NEK9: variants seen among roughly 807,000 people sequenced by gnomAD.
NEK9 encodes NIMA related kinase 9, also known as serine/threonine-protein kinase Nek9.
In NEK9, 75 loss-of-function variants were observed where a neutral mutation model predicts 123.4. The ratio of observed to expected loss-of-function variants is 0.61; its 90% CI spans 0.50 to 0.74. The LOEUF (loss-of-function observed/expected upper bound fraction) is 0.74, where lower values mean the gene tolerates loss of function less well. NEK9 is among the 30% of genes least tolerant of loss of function. The probability of loss-of-function intolerance (pLI) is 0.00; values close to 1 mark genes in which losing one functional copy is unlikely to be tolerated. For missense variants in NEK9, 952 were observed against 1,214.4 expected (o/e 0.78, Z 3.21); for synonymous variants, 438 against 458.7 (o/e 0.95, Z 0.58).
chr14:75,103,972 A>G lies in NEK9; in HGVS notation c.1601T>C (p.Ile534Thr). 1 of 1,614,052 alleles carries G rather than the reference A, an allele frequency of 6.2e-7. No homozygotes were observed. The highest frequency in any genetic ancestry group is 1.1e-5 in the South Asian group (1 of 91,054). ...ATCACAGCCACATTGAACTGCAACA[A>G]TAATCAAGGCCTTGGGAACATCCAC... ...QKVDVPKALI[I>T]VAVQCGCDGT... The change falls in exon 14 of 22, where the codon ATT (isoleucine) becomes ACT (threonine). Residue 534 changes from isoleucine to threonine, a missense_variant. Physicochemically the swap from Ile to Thr is moderately conservative, Grantham distance 89. Around this residue, in one of 4 missense-constraint regions of NEK9, gnomAD observed 698 missense variants for 875.6 expected, o/e 0.80. Coordinates refer to ENST00000238616, the MANE Select transcript of NEK9 (RefSeq NM_033116.6).
intron 13 of NEK9, among the ~76,000 whole-genome samples, chr14:75,105,501 T>C (rs1894741130): frequency 6.6e-6 from 1 of 152,114 alleles, no homozygotes; most frequent in Non-Finnish European, 1.5e-5. Context: ...TGAGAGTAAT[T>C]AGATAATATG....
intron 3 of NEK9, 97 bp from the exon 4 acceptor site, chr14:75,120,677 C>G: frequency 1.1e-6 from 1 of 896,120 alleles, no homozygotes. Flanking sequence ...AAACTGCAAC[C>G]AGAAGTTATG....
chr14:75,091,496 C>G lies in NEK9; in HGVS notation c.2234-18G>C, dbSNP rs1404620770. On this transcript the variant is annotated intron_variant, in intron 18 of 21. Transcript: ENST00000238616. ...CTGAAACACTGACAGATATACAGCACAGAAATAGACAGCTTTGCTATGCAG... is the reference window on the plus strand; with the variant it reads ...CTGAAACACTGACAGATATACAGCAGAGAAATAGACAGCTTTGCTATGCAG... 8.5e-6 allele frequency: 13 copies of G among 1,523,852 alleles called. No homozygotes were observed. The highest frequency in any genetic ancestry group is 1.1e-5 in the Non-Finnish European group (12 of 1,138,146). The allele number at this position is 1,523,852 out of a possible 1,614,324, so 94.4% of individuals were successfully genotyped here. A position where few individuals can be genotyped will look rare whatever the true frequency, so the allele number is the denominator to read the frequency against.
In NEK9 at chr14:75,109,793, G is replaced by C; in HGVS notation, c.1074C>G (p.Thr358=). ...TCTTGATAACATCCAGTTTCTGGGG[G>C]GTGGATTTTCCACCACCCCAAACAT... ...EVYVWGGGKS[T]PQKLDVIKSG... Residue 358 remains threonine, a synonymous_variant, in exon 10 of 22, where the codon ACC becomes ACG. Transcript: ENST00000238616. 1 of 1,614,026 alleles carries C rather than the reference G, an allele frequency of 6.2e-7. No individual in the cohort carries two copies. Among genetic ancestry groups the C allele is most frequent in the Non-Finnish European group, 8.5e-7 (1 of 1,179,986 alleles).
At position 75,107,366 on chromosome 14, in the gene NEK9, TCAC is replaced by T. The variant is rs1566651815; in HGVS notation, c.1301_1303del (p.Gly434del). 6.2e-7 allele frequency: 1 copy of T among 1,613,658 alleles called. No homozygotes were observed. Among genetic ancestry groups the T allele is most frequent in the Admixed American group, 1.7e-5 (1 of 59,892 alleles). ...ACCAGTCACACAGACAGTGAAATCATCACCACATGACACCTGACGGATAGCTTT... is the reference window on the plus strand; with the variant it reads ...ACCAGTCACACAGACAGTGAAATCATCACATGACACCTGACGGATAGCTTT... On this transcript the variant is annotated inframe_deletion, in exon 11 of 22. Transcript: ENST00000238616.
intron 17 of NEK9, among the ~76,000 whole-genome samples, chr14:75,095,841 G>A (rs1045366360): frequency 9.9e-5 from 15 of 152,218 alleles, no homozygotes; most frequent in African/African-American, 3.6e-4. Flanking sequence ...AGTGAGCTGT[G>A]TCTGTGCCAC....
chr14:75,095,888 T>A (rs1054897301), intron 17 of NEK9, among the ~76,000 whole-genome samples: 3 of 152,094 alleles, frequency 2.0e-5, no homozygotes, highest in African/African-American at 7.2e-5. Flanking sequence ...AGACTCTGTC[T>A]CAAAATTTAA....
chr14:75,121,725 C>G (rs1312440250), intron 2 of NEK9, among the ~76,000 whole-genome samples: 1 of 152,186 alleles, frequency 6.6e-6, no homozygotes, highest in East Asian at 1.9e-4. Context: ...GGGGCATGTG[C>G]CTGTGGTCCC....
chr14:75,127,027 C>G lies in NEK9; in HGVS notation c.-106G>C. 1.1e-6 allele frequency: 1 copy of G among 941,602 alleles called. No individual in the cohort carries two copies. Among genetic ancestry groups the G allele is most frequent in the Non-Finnish European group, 1.5e-6 (1 of 663,730 alleles). 58.3% of individuals were successfully genotyped at this position (941,602 alleles called of 1,614,324 possible). On this transcript the variant is annotated 5_prime_UTR_variant, in exon 1 of 22. Coordinates refer to ENST00000238616, the MANE Select transcript of NEK9 (RefSeq NM_033116.6). ...CCGGCCCGCGGATCCGTCAGCCCAG[C>G]AACCCCGCGAAGCTCGATGGTGGCT...
At position 75,126,765 on chromosome 14, in the gene NEK9, T is replaced by G; in HGVS notation, c.157A>C (p.Ile53Leu). 1 of 1,525,424 alleles carries G rather than the reference T, an allele frequency of 6.6e-7. No homozygotes were observed. The allele number at this position is 1,525,424 out of a possible 1,614,324, so 94.5% of individuals were successfully genotyped here. The change falls in exon 1 of 22, where the codon ATC (isoleucine) becomes CTC (leucine). Residue 53 changes from isoleucine to leucine, a missense_variant. By Grantham distance (5) the Ile-to-Leu change is conservative. Transcript: ENST00000238616. ...GAAEQEELHY[I>L]PIRVLGRGAF... ...CCGCGGCCCAGGACGCGGATGGGGA[T>G]GTAGTGCAGTTCCTCCTGCTCCGCC... is the stretch of plus-strand genomic sequence containing the variant.
At chr14:75,126,373 C>G (rs1895526242) in intron 1 of NEK9, among the ~76,000 whole-genome samples, 1 of 151,858 alleles carries the variant, frequency 6.6e-6, no homozygotes, top group South Asian at 2.1e-4. Flanking sequence ...ATTTACAGAA[C>G]AGAGCCTTCG....
intron 18 of NEK9, among the ~76,000 whole-genome samples, chr14:75,094,233 C>A (rs573535774): frequency 7.9e-5 from 12 of 152,130 alleles, no homozygotes; most frequent in Non-Finnish European, 1.6e-4. Context: ...ATGTTTTCAG[C>A]TGTTTCTTTT....
chr14:75,100,943 A>T lies in NEK9; in HGVS notation c.2002+49T>A, dbSNP rs1319720311. On this transcript the variant is annotated intron_variant, in intron 16 of 21. Transcript: ENST00000238616. ...CCATTTCTTTCCCAGCCAAGAACTG[A>T]AACACAGCCATGTGTCCAGAAAGCT... 2.6e-6 allele frequency: 4 copies of T among 1,567,422 alleles called. No individual in the cohort carries two copies. The African/African-American group carries it at 4.1e-5, about 16-fold the overall frequency.
At chr14:75,086,652 A>G (rs1016910579) in intron 21 of NEK9, 1 of 216,230 alleles carries the variant, frequency 4.6e-6, no homozygotes, top group African/African-American at 2.3e-5. Context: ...TCACACCTGT[A>G]ATCCCAGCAC....
intron 10 of NEK9, among the ~76,000 whole-genome samples, chr14:75,107,935 G>A (rs185933057): frequency 6.6e-6 from 1 of 152,090 alleles, no homozygotes; most frequent in Admixed American, 6.5e-5. Flanking sequence ...AGGTGATGGT[G>A]AAAAAAATTC....
intron 7 of NEK9, among the ~76,000 whole-genome samples, chr14:75,113,688 A>G (rs1203458397): frequency 6.6e-6 from 1 of 152,108 alleles, no homozygotes; most frequent in East Asian, 1.9e-4. Context: ...ACAAATAAAG[A>G]TTTCTGGGCT....
At position 75,084,686 on chromosome 14, in the gene NEK9, C is replaced by A; in HGVS notation, c.2818G>T (p.Val940Leu). 6.2e-7 allele frequency: 1 copy of A among 1,614,056 alleles called. No individual in the cohort carries two copies. Among genetic ancestry groups the A allele is most frequent in the Non-Finnish European group, 8.5e-7 (1 of 1,179,980 alleles). ...TGAGTTCCTTTGGAATGCATCCCCA[C>A]CTGTCCGGATAAAACACGGTTCCAC... ...LNKKLEGGQQ[V>L]GMHSKGTQTA... Residue 940 changes from valine (V) to leucine (L), a missense_variant and splice_region_variant, in exon 22 of 22, where the codon GTG (valine) becomes TTG (leucine). This residue lies in a region of NEK9 where 698 missense variants were observed against 875.6 expected (regional missense o/e 0.80). Transcript: ENST00000238616.
chr14:75,123,541 T>C (rs377107742), intron 2 of NEK9, among the ~76,000 whole-genome samples: 1 of 152,160 alleles, frequency 6.6e-6, no homozygotes, highest in Admixed American at 6.5e-5. Flanking sequence ...CTAGGCTATA[T>C]TGCTATCTTA....
At chr14:75,092,272 A>ATT (rs4026177) in intron 18 of NEK9, among the ~76,000 whole-genome samples, 64 of 141,466 alleles carry the variant, frequency 4.5e-4, no homozygotes, top group South Asian at 6.7e-4. Flanking sequence ...GCACCCAGCA[A>ATT]TTTTTTTTTT....
Sources: gnomAD v4.1 joint callset for allele counts (sites outside exome capture counted in the v4.1 genomes callset) on GRCh38, gnomAD v4.1.1 for gene constraint, gnomAD v4.1.1 regional missense constraint, MANE v1.5 for transcripts, NCBI Gene and HGNC (gene_info 2026-07-23, HGNC 2026-07-21) for gene names.